The following SHANK2 variants were observed in gnomAD, a reference collection of about 807,000 sequenced individuals.
The protein encoded by SHANK2 is SH3 and multiple ankyrin repeat domains 2, also known as SH3 and multiple ankyrin repeat domains protein 2.
In SHANK2, 43 loss-of-function variants were observed where a neutral mutation model predicts 133.7. That is an observed-to-expected ratio of 0.32 (90% CI 0.25 to 0.41). The LOEUF (loss-of-function observed/expected upper bound fraction) is 0.41, where lower values mean the gene tolerates loss of function less well. SHANK2 is among the 10% of genes least tolerant of loss of function. The pLI is 1.00. For synonymous variants in SHANK2, 1,017 were observed against 952.8 expected, an observed-to-expected ratio of 1.07 and a Z score of -1.24; for missense variants, 1,994 against 2,235.8, an observed-to-expected ratio of 0.89 and a Z score of 2.18.
intron 2 of SHANK2, among the ~76,000 whole-genome samples, chr11:71,223,563 G>A (rs915800622): frequency 2.6e-5 from 4 of 152,166 alleles, no homozygotes; most frequent in African/African-American, 9.7e-5. Flanking sequence ...AAGTACTTAG[G>A]TTATATGAAA....
intron 10 of SHANK2, chr11:70,948,176 G>C (rs551195135): frequency 4.8e-6 from 2 of 415,438 alleles, no homozygotes; most frequent in Non-Finnish European, 1.0e-5. Context: ...GGCTCCCAGC[G>C]TGAAGGAAAC....
At chr11:71,129,073 G>A (rs1952244272) in intron 3 of SHANK2, among the ~76,000 whole-genome samples, 1 of 152,346 alleles carries the variant, frequency 6.6e-6, no homozygotes, top group Non-Finnish European at 1.5e-5. Context: ...ATGAGCCACT[G>A]TGCCCGGCCA....
chr11:71,172,284 G>A (rs1555112335), intron 2 of SHANK2, among the ~76,000 whole-genome samples: 1 of 152,080 alleles, frequency 6.6e-6, no homozygotes, highest in African/African-American at 2.4e-5. Flanking sequence ...GGCCACGGTG[G>A]GCCACATGCT....
chr11:70,863,391 T>C (rs1949293415), intron 11 of SHANK2: 2 of 457,794 alleles, frequency 4.4e-6, no homozygotes, highest in Non-Finnish European at 8.8e-6. Context: ...GTGCTGGCCC[T>C]GTCTGGACGA....
intron 17 of SHANK2, among the ~76,000 whole-genome samples, chr11:70,578,201 C>T (rs948195): frequency 0.79 from 120,915 of 152,128 alleles, 48,287 homozygotes; most frequent in South Asian, 0.9. Context: ...CCTACAGATA[C>T]GGCGCCTGTC....
intron 14 of SHANK2, among the ~76,000 whole-genome samples, chr11:70,736,673 A>G (rs901898874): frequency 2.0e-5 from 3 of 152,078 alleles, no homozygotes; most frequent in Non-Finnish European, 2.9e-5. Context: ...AACTGAGACA[A>G]TCCGTTCTCT....
intron 14 of SHANK2, among the ~76,000 whole-genome samples, chr11:70,776,800 A>G (rs1387888153): frequency 5.3e-5 from 8 of 151,032 alleles, no homozygotes; most frequent in East Asian, 3.9e-4. Context: ...CCATCCATCT[A>G]TCCTCCCACC....
At chr11:71,069,538 C>A (rs1232696959) in intron 9 of SHANK2, among the ~76,000 whole-genome samples, 1 of 152,208 alleles carries the variant, frequency 6.6e-6, no homozygotes, top group East Asian at 1.9e-4. Flanking sequence ...ATCATTACAG[C>A]CACTATTTAC....
intron 14 of SHANK2, among the ~76,000 whole-genome samples, chr11:70,723,057 T>A (rs931671092): frequency 6.6e-6 from 1 of 152,164 alleles, no homozygotes; most frequent in Non-Finnish European, 1.5e-5. Flanking sequence ...TCAGACCCCA[T>A]GTGGGGCTAG....
At position 71,115,323 on chromosome 11, in the gene SHANK2, G is replaced by T. The variant is rs568697800; in HGVS notation, c.412-1959C>A. 1.9e-4 allele frequency among the ~76,000 whole-genome samples: 29 copies of T among 152,114 alleles called. No individual in the cohort carries two copies. In the South Asian group the frequency reaches 5.8e-3, roughly 30 times the overall value. ...ATCTCTACTAAAAATGCAAAAATTA[G>T]CTGGGCGTGGTGGTGGGCACCTGTA... On this transcript the variant is annotated intron_variant, in intron 4 of 25. Transcript: ENST00000601538.
At chr11:70,931,659 G>A (rs1950506298) in intron 10 of SHANK2, among the ~76,000 whole-genome samples, 1 of 152,220 alleles carries the variant, frequency 6.6e-6, no homozygotes. Flanking sequence ...TCTGAAAGGG[G>A]CAAGAGAAGG....
At chr11:70,519,450 C>T (rs1229379707) in intron 17 of SHANK2, among the ~76,000 whole-genome samples, 5 of 152,220 alleles carry the variant, frequency 3.3e-5, no homozygotes, top group African/African-American at 1.2e-4. Context: ...GAGTTCGAGA[C>T]CAGCCTGACC....
intron 17 of SHANK2, among the ~76,000 whole-genome samples, chr11:70,616,792 G>A (rs1322911345): frequency 1.3e-5 from 2 of 152,194 alleles, no homozygotes; most frequent in South Asian, 2.1e-4. Flanking sequence ...ACTCCTGCCA[G>A]GCTGGCTCCT....
intron 2 of SHANK2, among the ~76,000 whole-genome samples, chr11:71,181,360 A>G (rs1467192439): frequency 6.6e-6 from 1 of 152,160 alleles, no homozygotes; most frequent in Non-Finnish European, 1.5e-5. Flanking sequence ...ACAGCTGGGC[A>G]CGGTGACATG....
At chr11:70,622,316 A>G (rs1591661712) in intron 17 of SHANK2, among the ~76,000 whole-genome samples, 1 of 151,342 alleles carries the variant, frequency 6.6e-6, no homozygotes, top group African/African-American at 2.4e-5. Flanking sequence ...ACTCATGTCA[A>G]CCCCCGCCCC....
At chr11:70,706,843 C>G (rs1555025034) in intron 14 of SHANK2, among the ~76,000 whole-genome samples, 1 of 152,018 alleles carries the variant, frequency 6.6e-6, no homozygotes, top group Admixed American at 6.5e-5. Context: ...TTCAGACTGT[C>G]AGCATTTAAA....
chr11:70,794,606 G>T (rs1435770795), intron 14 of SHANK2, among the ~76,000 whole-genome samples: 2 of 152,180 alleles, frequency 1.3e-5, no homozygotes, highest in African/African-American at 4.8e-5. Flanking sequence ...CACCCAGGCT[G>T]GAGTGCAATG....
chr11:70,701,169 T>C (rs112007542), intron 14 of SHANK2, among the ~76,000 whole-genome samples: 14 of 150,486 alleles, frequency 9.3e-5, no homozygotes, highest in Admixed American at 2.0e-4. Context: ...TGTGTACGCG[T>C]GTGTGTGTGT....
chr11:70,611,946 G>A (rs2060662915), intron 17 of SHANK2, among the ~76,000 whole-genome samples: 1 of 139,126 alleles, frequency 7.2e-6, no homozygotes, highest in Non-Finnish European at 1.5e-5. Context: ...AAATTTACTT[G>A]CCATGGGAGG....
Sources: allele counts gnomAD v4.1 joint callset (sites outside exome capture counted in the v4.1 genomes callset), GRCh38; gene constraint gnomAD v4.1.1; transcripts MANE v1.5; gene names NCBI Gene and HGNC (gene_info 2026-07-23, HGNC 2026-07-21).